The following OXCT1 variants were observed in gnomAD, a reference collection of about 807,000 sequenced individuals.
OXCT1 encodes the protein 3-oxoacid CoA-transferase 1, also known as succinyl-CoA:3-ketoacid coenzyme A transferase 1, mitochondrial.
A neutral mutation model predicts 69.6 loss-of-function variants in OXCT1; 27 were observed. The ratio of observed to expected loss-of-function variants is 0.39; its 90% CI spans 0.29 to 0.54. The LOEUF (loss-of-function observed/expected upper bound fraction) is 0.54, where lower values mean the gene tolerates loss of function less well. OXCT1 is among the 20% of genes least tolerant of loss of function. The pLI is 0.72. For missense variants in OXCT1, 437 were observed against 650.2 expected, an observed-to-expected ratio of 0.67 and a Z score of 3.57; for synonymous variants, 202 against 217.8, an observed-to-expected ratio of 0.93 and a Z score of 0.64.
chr5:41,859,864 A>AATATATATATATATATTACATAT (rs1749634621), intron 3 of OXCT1, among the ~76,000 whole-genome samples: 1 of 120,116 alleles, frequency 8.3e-6, no homozygotes, highest in African/African-American at 3.0e-5. Context: ...CTAGTATAGT[A>AATATATATATATATATTACATAT]ATATATATAT....
intron 7 of OXCT1, among the ~76,000 whole-genome samples, chr5:41,832,095 T>A (rs1748125137): frequency 6.6e-6 from 1 of 152,268 alleles, no homozygotes; most frequent in Middle Eastern, 3.4e-3. Flanking sequence ...CAGACAGCAT[T>A]TGGGGAACTC....
chr5:41,857,508 C>G (rs1016194590), intron 3 of OXCT1, among the ~76,000 whole-genome samples: 1 of 152,178 alleles, frequency 6.6e-6, no homozygotes, highest in Non-Finnish European at 1.5e-5. Flanking sequence ...TGGGTTCAGC[C>G]ACTCTGACCG....
chr5:41,732,583 C>T (rs1579617534), intron 16 of OXCT1, among the ~76,000 whole-genome samples: 1 of 152,170 alleles, frequency 6.6e-6, no homozygotes, highest in Non-Finnish European at 1.5e-5. Context: ...TAGTTAGTAA[C>T]AGTCCCCATG....
At chr5:41,758,598 C>G (rs1744198007) in intron 14 of OXCT1, among the ~76,000 whole-genome samples, 1 of 151,864 alleles carries the variant, frequency 6.6e-6, no homozygotes, top group Non-Finnish European at 1.5e-5. Context: ...CAGATGGCAC[C>G]TTAGAAGGCT....
At chr5:41,796,414 C>G (rs1340646415) in intron 11 of OXCT1, among the ~76,000 whole-genome samples, 4 of 152,128 alleles carry the variant, frequency 2.6e-5, no homozygotes, top group Admixed American at 6.5e-5. Context: ...AGAAGCAAAA[C>G]TGTTATTCCA....
chr5:41,825,880 A>G (rs2112345924), intron 7 of OXCT1, among the ~76,000 whole-genome samples: 1 of 152,346 alleles, frequency 6.6e-6, no homozygotes, highest in East Asian at 1.9e-4. Context: ...AAAAAGTCAC[A>G]GTGGTTATTC....
At chr5:41,764,696 C>T (rs1744512600) in intron 13 of OXCT1, among the ~76,000 whole-genome samples, 1 of 152,086 alleles carries the variant, frequency 6.6e-6, no homozygotes, top group Non-Finnish European at 1.5e-5. Context: ...TTCTCTTCTT[C>T]TCTCCATTAT....
chr5:41,762,059 G>T lies in OXCT1; in HGVS notation c.1338+52C>A. On this transcript the variant is annotated intron_variant, in intron 14 of 16. Transcript: ENST00000196371. This position sits in a 1 kb window ranked among gnomAD's most constrained non-coding sequence, Gnocchi z 4.0. The stretch of plus-strand genomic sequence containing the variant: ...GTGACCTGGTGGTACACTGGGTTTT[G>T]ATGTATTGCAAATTTCCAAAAGCAG... 2 of 1,199,408 alleles carry T rather than the reference G, an allele frequency of 1.7e-6. No individual in the cohort carries two copies. The highest frequency in any genetic ancestry group is 2.5e-6 in the Non-Finnish European group (2 of 801,320). The allele number at this position is 1,199,408 out of a possible 1,614,324, so 74.3% of individuals were successfully genotyped here.
Position 41,853,458 on chromosome 5 carries a change from C to T in OXCT1, c.375G>A (p.Gln125=), listed in dbSNP as rs1749279322. Residue 125 remains glutamine, a synonymous_variant, in exon 4 of 17, where the codon CAG becomes CAA. Transcript: ENST00000196371. The part of the protein sequence containing the change: ...YVGENAEFER[Q]YLSGELEVEL... ...CCACTTCTAATTCACCAGATAAGTA[C>T]TGTCGTTCAAATTCTGCATTTTCTC... 2.5e-6 allele frequency: 4 copies of T among 1,613,774 alleles called. No individual in the cohort carries two copies. The South Asian group carries it at 3.3e-5, about 13-fold the overall frequency.
At chr5:41,843,741 T>A (rs762009980) in intron 5 of OXCT1, 1 of 293,084 alleles carries the variant, frequency 3.4e-6, no homozygotes, top group Non-Finnish European at 7.0e-6. Flanking sequence ...TACAAAAAGC[T>A]GCTATAGAAA....
intron 5 of OXCT1, among the ~76,000 whole-genome samples, chr5:41,849,373 T>C (rs555846494): frequency 1.1e-4 from 17 of 152,338 alleles, no homozygotes; most frequent in African/African-American, 3.6e-4. Context: ...AAAAATACCG[T>C]AATGAAATAC....
chr5:41,846,838 A>C (rs1252941058), intron 5 of OXCT1, among the ~76,000 whole-genome samples: 1 of 152,112 alleles, frequency 6.6e-6, no homozygotes, highest in Admixed American at 6.6e-5. Flanking sequence ...CTGGTGTGAG[A>C]TGGTATCTCA....
At chr5:41,824,558 A>T (rs1747712293) in intron 7 of OXCT1, among the ~76,000 whole-genome samples, 1 of 152,228 alleles carries the variant, frequency 6.6e-6, no homozygotes, top group African/African-American at 2.4e-5. Flanking sequence ...TTAAAAACAT[A>T]AACCAAAGAG....
At chr5:41,771,350 CAGTT>C (rs1227466998) in intron 13 of OXCT1, among the ~76,000 whole-genome samples, 1 of 152,168 alleles carries the variant, frequency 6.6e-6, no homozygotes, top group Non-Finnish European at 1.5e-5. Flanking sequence ...ATTAAGTGAA[CAGTT>C]AGAACTATGA....
rs1448682671 is a variant in OXCT1 at position 41,762,108 on chromosome 5, T to C, written c.1338+3A>G. On this transcript the variant is annotated splice_donor_region_variant and intron_variant, in intron 14 of 16. Transcript: ENST00000196371. The surrounding 1 kb of genome is among the most constrained non-coding windows in gnomAD (Gnocchi z 4.0). Reference sequence around the variant, plus strand: ...AGTATTTGGGGAGCACAGTACATGTTACCTTTGCAGAATGCTCCATGGTGA... The same window carrying C: ...AGTATTTGGGGAGCACAGTACATGTCACCTTTGCAGAATGCTCCATGGTGA... The C allele has an allele frequency of 6.2e-7, 1 of 1,602,720 alleles. No homozygotes were observed. Among genetic ancestry groups the C allele is most frequent in the Non-Finnish European group, 8.5e-7 (1 of 1,169,812 alleles).
intron 13 of OXCT1, among the ~76,000 whole-genome samples, chr5:41,767,276 T>A (rs1744651224): frequency 3.3e-5 from 5 of 152,154 alleles, no homozygotes; most frequent in Admixed American, 2.6e-4. Context: ...TTTTCAAAGA[T>A]TAATGGCATT....
At chr5:41,868,041 C>T (rs1750082089) in intron 1 of OXCT1, among the ~76,000 whole-genome samples, 1 of 152,174 alleles carries the variant, frequency 6.6e-6, no homozygotes, top group Admixed American at 6.5e-5. Flanking sequence ...CCACCCAGGA[C>T]CTATTAAATT....
At chr5:41,868,608 A>T (rs1750118928) in intron 1 of OXCT1, among the ~76,000 whole-genome samples, 2 of 151,496 alleles carry the variant, frequency 1.3e-5, no homozygotes, top group Admixed American at 1.3e-4. Context: ...CTGTAGTCCC[A>T]GCTACTTGGG....
At chr5:41,759,734 C>T (rs969771744) in intron 14 of OXCT1, among the ~76,000 whole-genome samples, 3 of 152,046 alleles carry the variant, frequency 2.0e-5, no homozygotes, top group African/African-American at 7.2e-5. Context: ...TATAAACAAC[C>T]TGCAAATTAA....
Sources: gnomAD v4.1 joint callset for allele counts (sites outside exome capture counted in the v4.1 genomes callset) on GRCh38, gnomAD v4.1.1 for gene constraint, Gnocchi (gnomAD v3.1) non-coding constraint, MANE v1.5 for transcripts, NCBI Gene and HGNC (gene_info 2026-07-23, HGNC 2026-07-21) for gene names.